The following BMP5 variants were observed in gnomAD, a reference collection of about 807,000 sequenced individuals.
BMP5 encodes the protein bone morphogenetic protein 5.
BMP5 carries 23 observed loss-of-function variants against 46.6 expected under a neutral mutation model. The observed-to-expected ratio is 0.49, with a 90% confidence interval of 0.35 to 0.70. The LOEUF is 0.70. Ranked by LOEUF, BMP5 falls within the 30% of genes least tolerant of loss-of-function variation. The probability of loss-of-function intolerance (pLI) is 0.00; values close to 1 mark genes in which losing one functional copy is unlikely to be tolerated. For missense variants in BMP5, 545 were observed against 565.6 expected, an observed-to-expected ratio of 0.96 and a Z score of 0.37; for synonymous variants, 204 against 191.9, an observed-to-expected ratio of 1.06 and a Z score of -0.52.
intron 2 of BMP5, among the ~76,000 whole-genome samples, chr6:55,800,045 T>C (rs6929620): frequency 0.49 from 75,239 of 152,076 alleles, 21,328 homozygotes; most frequent in African/African-American, 0.79. Context: ...CAAACACACA[T>C]GTATACACAC....
In BMP5 at chr6:55,874,421, T is replaced by C; in HGVS notation, c.445A>G (p.Asn149Asp). The C allele has an allele frequency of 6.2e-7, 1 of 1,613,116 alleles. No individual in the cohort carries two copies. Among genetic ancestry groups the C allele is most frequent in the Non-Finnish European group, 8.5e-7 (1 of 1,179,476 alleles). ...ACCATGTCAGCATCATTCAGAAAGTTGGTATCATGGAGGCTGGCTAGAGGA... is the reference window on the plus strand; with the variant it reads ...ACCATGTCAGCATCATTCAGAAAGTCGGTATCATGGAGGCTGGCTAGAGGA... ...SPPLASLHDT[N>D]FLNDADMVMS... Residue 149 changes from asparagine to aspartate, a missense_variant, in exon 1 of 7, where the codon AAC (asparagine) becomes GAC (aspartate). Physicochemically the swap from Asn to Asp is conservative, Grantham distance 23. Transcript: ENST00000370830.
chr6:55,871,342 A>C (rs1777783840), intron 1 of BMP5, among the ~76,000 whole-genome samples: 1 of 151,916 alleles, frequency 6.6e-6, no homozygotes, highest in Non-Finnish European at 1.5e-5. Flanking sequence ...TCAATCTGTA[A>C]AATTTAATAC....
In BMP5 at chr6:55,874,370, A is replaced by G; in HGVS notation, c.490+6T>C. ...ACATAGATTAACAAACAAATGAACA[A>G]CATACCTAAGTTGACAAAGCTCATG... On this transcript the variant is annotated splice_donor_region_variant and intron_variant, in intron 1 of 6. Transcript: ENST00000370830. 6.2e-7 allele frequency: 1 copy of G among 1,612,970 alleles called. No individual in the cohort carries two copies.
intron 1 of BMP5, among the ~76,000 whole-genome samples, chr6:55,833,728 C>A (rs975444220): frequency 2.0e-5 from 3 of 152,112 alleles, no homozygotes; most frequent in African/African-American, 7.2e-5. Context: ...AAGTCTGTGT[C>A]GTTAACTATG....
chr6:55,867,950 G>T (rs1263643702), intron 1 of BMP5, among the ~76,000 whole-genome samples: 1 of 152,164 alleles, frequency 6.6e-6, no homozygotes, highest in East Asian at 1.9e-4. Context: ...GCACAGAAAA[G>T]AAAGCAACTA....
rs143997305 is a variant in BMP5 at position 55,768,500 on chromosome 6, T to C, written c.1027+5549A>G. On this transcript the variant is annotated intron_variant, in intron 4 of 6. Coordinates refer to ENST00000370830, the MANE Select transcript of BMP5 (RefSeq NM_021073.4). ...CAGCTGTAGGCTAATGTAAATGTTA[T>C]GGGCATGTGTAAGGGAGGCTAGGCT... 4.3e-4 allele frequency among the ~76,000 whole-genome samples: 66 copies of C among 152,052 alleles called. 2 individuals carry two copies. The East Asian group carries it at 0.011, about 26-fold the overall frequency.
At chr6:55,755,758 AT>A in intron 6 of BMP5, 76 bp from the exon 7 acceptor site, 1 of 1,385,328 alleles carries the variant, frequency 7.2e-7, no homozygotes, top group Non-Finnish European at 1.0e-6. Flanking sequence ...TGGTATGATT[AT>A]TTTATCACTC....
At chr6:55,802,243 T>C (rs190568684) in intron 2 of BMP5, among the ~76,000 whole-genome samples, 10 of 152,310 alleles carry the variant, frequency 6.6e-5, no homozygotes, top group Non-Finnish European at 1.0e-4. Context: ...GCAATAGTTC[T>C]ATTAAATTGG....
intron 4 of BMP5, among the ~76,000 whole-genome samples, chr6:55,768,974 T>C (rs914981387): frequency 6.6e-6 from 1 of 151,940 alleles, no homozygotes; most frequent in Non-Finnish European, 1.5e-5. Flanking sequence ...AAAATGTACA[T>C]ACCTTAGTTA....
intron 1 of BMP5, among the ~76,000 whole-genome samples, chr6:55,869,703 G>A (rs1299413991): frequency 6.6e-6 from 1 of 152,044 alleles, no homozygotes; most frequent in Non-Finnish European, 1.5e-5. Context: ...GGATCCTTAG[G>A]GAGAGATGAG....
intron 3 of BMP5, among the ~76,000 whole-genome samples, chr6:55,779,592 C>T (rs1365039789): frequency 6.6e-6 from 1 of 151,974 alleles, no homozygotes; most frequent in East Asian, 1.9e-4. Context: ...CAGAATAAAT[C>T]ATTTTTATAT....
rs148401014 is a variant in BMP5 at position 55,756,874 on chromosome 6, A to C, written c.1216-1192T>G. ...CAATGGCCTTGGCAGCCTAACGGAA[A>C]AAAAATGGATTGTTCTTGAATGGTT... On this transcript the variant is annotated intron_variant, in intron 6 of 6. Coordinates refer to ENST00000370830, the MANE Select transcript of BMP5 (RefSeq NM_021073.4). Among the ~76,000 whole-genome samples the C allele has an allele frequency of 2.6e-3, 392 of 152,108 alleles. 2 individuals are homozygous for C. Among genetic ancestry groups the C allele is most frequent in the African/African-American group, 8.9e-3 (371 of 41,548 alleles).
chr6:55,831,338 C>T (rs1562059951), intron 1 of BMP5, among the ~76,000 whole-genome samples: 1 of 152,018 alleles, frequency 6.6e-6, no homozygotes, highest in African/African-American at 2.4e-5. Flanking sequence ...CAATTATTAC[C>T]AGATAGCTGA....
At chr6:55,852,844 G>A (rs1244855626) in intron 1 of BMP5, among the ~76,000 whole-genome samples, 3 of 151,970 alleles carry the variant, frequency 2.0e-5, no homozygotes, top group Non-Finnish European at 4.4e-5. Flanking sequence ...TAAAATATTT[G>A]TTGCTGGCCA....
At chr6:55,828,307 G>GTAGTAGTT in intron 1 of BMP5, among the ~76,000 whole-genome samples, 1 of 151,900 alleles carries the variant, frequency 6.6e-6, no homozygotes, top group South Asian at 2.1e-4. Context: ...AATGTGGTGG[G>GTAGTAGTT]TGACAGATAA....
intron 1 of BMP5, among the ~76,000 whole-genome samples, chr6:55,868,749 A>G (rs887159797): frequency 1.4e-4 from 22 of 152,198 alleles, no homozygotes; most frequent in African/African-American, 5.1e-4. Flanking sequence ...ATACTCCACC[A>G]TTATTTTTAT....
At chr6:55,775,551 T>G (rs1266620105) in intron 3 of BMP5, among the ~76,000 whole-genome samples, 1 of 151,960 alleles carries the variant, frequency 6.6e-6, no homozygotes, top group Non-Finnish European at 1.5e-5. Flanking sequence ...TTAGCAATCT[T>G]TTAAGAGTAA....
chr6:55,813,072 G>GA (rs1776171894), intron 2 of BMP5, among the ~76,000 whole-genome samples: 1 of 152,004 alleles, frequency 6.6e-6, no homozygotes, highest in African/African-American at 2.4e-5. Flanking sequence ...TTTCCTATGA[G>GA]AAAAAAATAC....
At chr6:55,807,531 C>T (rs947373182) in intron 2 of BMP5, among the ~76,000 whole-genome samples, 1 of 152,090 alleles carries the variant, frequency 6.6e-6, no homozygotes, top group Non-Finnish European at 1.5e-5. Flanking sequence ...TTTCTTTCTT[C>T]GTTGTGTCTC....
Sources: gnomAD v4.1 joint callset for allele counts (sites outside exome capture counted in the v4.1 genomes callset) on GRCh38, gnomAD v4.1.1 for gene constraint, MANE v1.5 for transcripts, NCBI Gene and HGNC (gene_info 2026-07-23, HGNC 2026-07-21) for gene names.